MSR1: variants seen among roughly 807,000 people sequenced by gnomAD.
MSR1 encodes the protein macrophage scavenger receptor 1.
Under a neutral mutation model 47.2 loss-of-function variants are expected in MSR1, and 53 were observed. That is an observed-to-expected ratio of 1.12 (90% CI 0.90 to 1.41). The LOEUF (loss-of-function observed/expected upper bound fraction) is 1.41. MSR1 is among the 40% of genes most tolerant of loss of function. The probability of loss-of-function intolerance (pLI) is 0.00; values close to 1 mark genes in which losing one functional copy is unlikely to be tolerated. For missense variants in MSR1, 786 were observed against 546.9 expected (o/e 1.44, Z -4.36); for synonymous variants, 239 against 185.6 (o/e 1.29, Z -2.34).
chr8:16,144,836 A>C, intron 7 of MSR1, among the ~76,000 whole-genome samples: 1 of 152,096 alleles, frequency 6.6e-6, no homozygotes, highest in South Asian at 2.1e-4. Flanking sequence ...AATGAGAGAA[A>C]AACTTTTTCA....
At position 16,120,454 on chromosome 8, in the gene MSR1, C is replaced by T; in HGVS notation, c.1186G>A (p.Val396Ile). 8.1e-6 allele frequency: 13 copies of T among 1,613,852 alleles called. No individual in the cohort carries two copies. Among genetic ancestry groups the T allele is most frequent in the Non-Finnish European group, 1.1e-5 (13 of 1,179,900 alleles). Residue 396 changes from valine to isoleucine, a missense_variant, in exon 9 of 10, where the codon GTT (valine) becomes ATT (isoleucine). Transcript: ENST00000262101. ...VVCRSLGYPG[V>I]QAVHKAAHFG... ...TGAGCTGCCTTGTGCACGGCTTGAA[C>T]ACCTGGGTATCCCAAGCTCCTACAG...
intron 1 of MSR1, chr8:16,186,179 G>C (rs1801993191): frequency 1.3e-6 from 2 of 1,535,234 alleles, no homozygotes; most frequent in Non-Finnish European, 1.7e-6. Context: ...TGAGAAGAGA[G>C]ATACTGATGA....
At chr8:16,114,231 A>ATT (rs11450060) in intron 9 of MSR1, among the ~76,000 whole-genome samples, 69 of 149,840 alleles carry the variant, frequency 4.6e-4, no homozygotes, top group East Asian at 1.4e-3. Flanking sequence ...TTACCCTTAC[A>ATT]TTTTTTTTTT....
chr8:16,155,982 A>G (rs1800995554), intron 5 of MSR1, among the ~76,000 whole-genome samples: 1 of 151,872 alleles, frequency 6.6e-6, no homozygotes, highest in Non-Finnish European at 1.5e-5. Context: ...GTGTCCAGCA[A>G]AACAGATACC....
At chr8:16,144,500 A>C (rs1051030868) in intron 7 of MSR1, among the ~76,000 whole-genome samples, 5 of 152,136 alleles carry the variant, frequency 3.3e-5, no homozygotes, top group Non-Finnish European at 5.9e-5. Context: ...GAGAACCTTC[A>C]ACCTTTTCAT....
intron 8 of MSR1, chr8:16,120,836 C>G (rs910435280): frequency 3.5e-6 from 2 of 571,228 alleles, no homozygotes; most frequent in East Asian, 3.1e-5. Flanking sequence ...TCCAATCTGT[C>G]TTACATGTAA....
chr8:16,133,494 C>T (rs1800313157), intron 8 of MSR1, among the ~76,000 whole-genome samples: 1 of 152,070 alleles, frequency 6.6e-6, no homozygotes, highest in African/African-American at 2.4e-5. Flanking sequence ...GAGAAGCTTT[C>T]CTGGGAGTTT....
At chr8:16,176,486 G>A (rs904356202) in intron 2 of MSR1, among the ~76,000 whole-genome samples, 1 of 140,948 alleles carries the variant, frequency 7.1e-6, no homozygotes, top group African/African-American at 2.7e-5. Flanking sequence ...CAGCCTAGGT[G>A]AAAAAGTGAG....
chr8:16,186,204 C>T (rs1256285848), intron 1 of MSR1: 1 of 1,535,334 alleles, frequency 6.5e-7, no homozygotes, highest in Non-Finnish European at 8.7e-7. Context: ...ACTGAGATAG[C>T]ACATCCAGGG....
Position 16,141,171 on chromosome 8 carries a change from G to A in MSR1, c.1033+2387C>T. Reference sequence around the variant, plus strand: ...TCACATACCACCATTAACTACAGATGTGGGGAATCAGGCACTTTCATACAG... The same window carrying A: ...TCACATACCACCATTAACTACAGATATGGGGAATCAGGCACTTTCATACAG... On this transcript the variant is annotated intron_variant, in intron 8 of 9. Transcript: ENST00000262101. 2.8e-6 allele frequency: 3 copies of A among 1,065,052 alleles called. No individual in the cohort carries two copies. In the Admixed American group the frequency reaches 6.6e-5, roughly 23 times the overall value. 66.0% of individuals were successfully genotyped at this position (1,065,052 alleles called of 1,614,324 possible).
At chr8:16,124,117 A>T (rs571515785) in intron 8 of MSR1, among the ~76,000 whole-genome samples, 1 of 152,306 alleles carries the variant, frequency 6.6e-6, no homozygotes, top group East Asian at 1.9e-4. Flanking sequence ...TTTCTAAAAT[A>T]TCCAGGGAAG....
rs1410634588 is a variant in MSR1, at chr8:16,178,001, C to T, written c.-4-9G>A. On this transcript the variant is annotated splice_polypyrimidine_tract_variant and intron_variant, in intron 1 of 9. Transcript: ENST00000262101. ...CCCACTGCTCCATACTTCTATGAAA[C>T]AAAATGGAAAAATATATTAATTCCA... is the stretch of plus-strand genomic sequence containing the variant. 5.0e-6 allele frequency: 8 copies of T among 1,601,976 alleles called. No individual in the cohort carries two copies. The highest frequency in any genetic ancestry group is 6.8e-6 in the Non-Finnish European group (8 of 1,169,864).
intron 5 of MSR1, among the ~76,000 whole-genome samples, chr8:16,158,989 T>C (rs1015704727): frequency 1.4e-5 from 2 of 147,904 alleles, no homozygotes; most frequent in African/African-American, 2.5e-5. Flanking sequence ...AGGCTGGTCT[T>C]GAACTTCTGG....
intron 8 of MSR1, among the ~76,000 whole-genome samples, chr8:16,132,960 T>C (rs1033311367): frequency 6.6e-5 from 10 of 152,128 alleles, no homozygotes; most frequent in Non-Finnish European, 1.3e-4. Flanking sequence ...ACCTACTGCA[T>C]TGAGAGTTTT....
chr8:16,181,620 A>T (rs1356808279), intron 1 of MSR1, among the ~76,000 whole-genome samples: 1 of 151,802 alleles, frequency 6.6e-6, no homozygotes, highest in Non-Finnish European at 1.5e-5. Context: ...GGACCCAGGG[A>T]GGGGAACATC....
intron 3 of MSR1, 24 bp downstream of exon 3, chr8:16,175,163 T>G (rs1234166137): frequency 1.3e-6 from 2 of 1,597,418 alleles, no homozygotes; most frequent in Non-Finnish European, 1.7e-6. Flanking sequence ...AGTTACTAAA[T>G]TTCAAAACTC....
intron 2 of MSR1, among the ~76,000 whole-genome samples, 181 bp downstream of exon 2, chr8:16,177,705 T>C (rs1374087869): frequency 1.3e-5 from 2 of 152,190 alleles, no homozygotes; most frequent in Non-Finnish European, 2.9e-5. Flanking sequence ...TAATTTCATA[T>C]AATACTGCCT....
rs2117120039 is a variant in MSR1, at chr8:16,145,849, A to G, written c.980-2238T>C. Among the ~76,000 whole-genome samples, 2 of 152,284 alleles carry G rather than the reference A, an allele frequency of 1.3e-5. 1 individual carries two copies. Among genetic ancestry groups the G allele is most frequent in the South Asian group, 4.1e-4 (2 of 4,822 alleles). Reference sequence around the variant, plus strand: ...ATGGAGAGGAATGTAGTGGTCCTTCAGAATGATACCTTTGGTTAAAAATGA... The same window carrying G: ...ATGGAGAGGAATGTAGTGGTCCTTCGGAATGATACCTTTGGTTAAAAATGA... On this transcript the variant is annotated intron_variant, in intron 7 of 9. Transcript: ENST00000262101.
chr8:16,167,994 T>G (rs1801365026), intron 4 of MSR1, among the ~76,000 whole-genome samples: 2 of 152,116 alleles, frequency 1.3e-5, no homozygotes, highest in Non-Finnish European at 1.5e-5. Flanking sequence ...ATACAAAAAC[T>G]GTAATACCAT....
Sources: allele counts gnomAD v4.1 joint callset (sites outside exome capture counted in the v4.1 genomes callset), GRCh38; gene constraint gnomAD v4.1.1; transcripts MANE v1.5; gene names NCBI Gene and HGNC (gene_info 2026-07-23, HGNC 2026-07-21).